CRCP: variants seen among roughly 807,000 people sequenced by gnomAD.
CRCP encodes the protein CGRP receptor component, also known as DNA-directed RNA polymerase III subunit RPC9.
In CRCP, 18 loss-of-function variants were observed where a neutral mutation model predicts 18.5. The observed-to-expected ratio is 0.97, with a 90% CI of 0.67 to 1.44. The LOEUF (loss-of-function observed/expected upper bound fraction) is 1.44. Ranked by LOEUF, CRCP falls within the 40% of genes most tolerant of loss-of-function variation. The probability of loss-of-function intolerance (pLI) is 0.00; values close to 1 mark genes in which losing one functional copy is unlikely to be tolerated. For missense variants in CRCP, 130 were observed against 176.4 expected, an observed-to-expected ratio of 0.74 and a Z score of 1.49; for synonymous variants, 53 against 62.9, an observed-to-expected ratio of 0.84 and a Z score of 0.75.
At chr7:66,149,808 C>T (rs886158113) in intron 5 of CRCP, among the ~76,000 whole-genome samples, 1 of 152,014 alleles carries the variant, frequency 6.6e-6, no homozygotes, top group African/African-American at 2.4e-5. Flanking sequence ...CTCACCCCCA[C>T]CTTTTTTTTC....
chr7:66,145,337 A>T, intron 4 of CRCP, 106 bp from the exon 5 acceptor site: 1 of 1,122,776 alleles, frequency 8.9e-7, no homozygotes, highest in Non-Finnish European at 1.3e-6. Flanking sequence ...GCCACACTCC[A>T]GTGGTTCTCC....
chr7:66,134,211 C>G, intron 3 of CRCP, 69 bp from the exon 4 acceptor site: 6 of 1,206,258 alleles, frequency 5.0e-6, no homozygotes, highest in African/African-American at 1.6e-5. Flanking sequence ...CAGTCATTGC[C>G]TTTGTTTTTT....
chr7:66,140,612 G>A (rs559305639), intron 4 of CRCP, among the ~76,000 whole-genome samples: 3 of 152,102 alleles, frequency 2.0e-5, no homozygotes, highest in Admixed American at 2.0e-4. Context: ...GGCTGGTCTC[G>A]AACTCCTGAC....
chr7:66,127,716 T>G lies in CRCP; in HGVS notation c.21T>G (p.Asn7Lys), dbSNP rs891775476. MEVKDA[N>K]SALLSNYEVF... is the part of the protein sequence containing the mutation. The stretch of plus-strand genomic sequence containing the variant: ...TTTTCTTTTTCAGGAAGGATGCCAA[T>G]TCTGCGCTTCTCAGTAACTACGAGG... Residue 7 changes from asparagine to lysine, a missense_variant, in exon 2 of 6, where the codon AAT (asparagine) becomes AAG (lysine). Physicochemically the swap from Asn to Lys is moderately conservative, Grantham distance 94. Coordinates refer to ENST00000395326, the MANE Select transcript of CRCP (RefSeq NM_014478.5). 6.8e-6 allele frequency: 11 copies of G among 1,614,160 alleles called. No homozygotes were observed. The highest frequency in any genetic ancestry group is 9.3e-6 in the Non-Finnish European group (11 of 1,180,008).
intron 1 of CRCP, among the ~76,000 whole-genome samples, chr7:66,127,501 C>G (rs1161313356): frequency 6.6e-6 from 1 of 152,164 alleles, no homozygotes; most frequent in African/African-American, 2.4e-5. Context: ...TGGGACAGCA[C>G]TTTGTTCCCA....
At chr7:66,123,662 C>T (rs966222950) in intron 1 of CRCP, among the ~76,000 whole-genome samples, 1 of 150,080 alleles carries the variant, frequency 6.7e-6, no homozygotes, top group Non-Finnish European at 1.5e-5. Context: ...GCAGGAGAAT[C>T]GCTTGAACTC....
intron 1 of CRCP, among the ~76,000 whole-genome samples, chr7:66,125,614 A>G (rs1165395062): frequency 1.3e-5 from 2 of 149,224 alleles, no homozygotes; most frequent in African/African-American, 4.8e-5. Context: ...CCTCCTTTAT[A>G]TTCGTTCTAG....
chr7:66,118,292 T>G (rs1313017655), intron 1 of CRCP, among the ~76,000 whole-genome samples: 1 of 152,214 alleles, frequency 6.6e-6, no homozygotes, highest in African/African-American at 2.4e-5. Context: ...TCTTGAAGGT[T>G]GTGTCCCTTT....
chr7:66,129,301 C>A (rs910482804), intron 2 of CRCP, among the ~76,000 whole-genome samples: 1 of 152,064 alleles, frequency 6.6e-6, no homozygotes, highest in African/African-American at 2.4e-5. Flanking sequence ...CCACTGCACT[C>A]CAGCCTGGGC....
Position 66,154,528 on chromosome 7 carries a change from G to A in CRCP, c.*2171G>A, listed in dbSNP as rs896587676. 6.7e-6 allele frequency: 1 copy of A among 150,348 alleles called. No individual in the cohort carries two copies. Among genetic ancestry groups the A allele is most frequent in the African/African-American group, 2.5e-5 (1 of 40,814 alleles). 9.3% of individuals were successfully genotyped at this position (150,348 alleles called of 1,614,324 possible). On this transcript the variant is annotated 3_prime_UTR_variant, in exon 6 of 6. Coordinates refer to ENST00000395326, the MANE Select transcript of CRCP (RefSeq NM_014478.5). ...TTTATAAATCTGAAGAGTTAATATT[G>A]TCATCGATACAAATAAAGTGAAATC...
At chr7:66,136,537 T>A (rs1194096059) in intron 4 of CRCP, among the ~76,000 whole-genome samples, 1 of 151,076 alleles carries the variant, frequency 6.6e-6, no homozygotes, top group African/African-American at 2.4e-5. Context: ...GCCAATTTTG[T>A]ATTTTTAGTA....
At chr7:66,135,023 C>G (rs979284112) in intron 4 of CRCP, among the ~76,000 whole-genome samples, 9 of 152,150 alleles carry the variant, frequency 5.9e-5, no homozygotes. Context: ...ATGATGCAAC[C>G]TTATTTATTA....
At chr7:66,121,046 A>C (rs1047610530) in intron 1 of CRCP, among the ~76,000 whole-genome samples, 13 of 150,548 alleles carry the variant, frequency 8.6e-5, no homozygotes, top group Admixed American at 3.3e-4. Flanking sequence ...TAATAATAAT[A>C]ATAATAATAA....
At chr7:66,126,568 C>T (rs768212536) in intron 1 of CRCP, 1 of 394,984 alleles carries the variant, frequency 2.5e-6, no homozygotes, top group Admixed American at 2.9e-5. Context: ...ACGAATAGCT[C>T]CTACATCACA....
chr7:66,121,655 A>G (rs1012040040), intron 1 of CRCP, among the ~76,000 whole-genome samples: 2 of 152,166 alleles, frequency 1.3e-5, no homozygotes, highest in African/African-American at 2.4e-5. Flanking sequence ...ATTTCTATCT[A>G]TAAGGTATTT....
intron 5 of CRCP, among the ~76,000 whole-genome samples, chr7:66,149,410 T>C (rs1788390666): frequency 6.6e-6 from 1 of 152,132 alleles, no homozygotes; most frequent in Non-Finnish European, 1.5e-5. Context: ...TCCCAGCTAC[T>C]TGGAAGGCTG....
chr7:66,146,152 A>G (rs1316833309), intron 5 of CRCP, among the ~76,000 whole-genome samples: 3 of 152,060 alleles, frequency 2.0e-5, no homozygotes, highest in African/African-American at 7.2e-5. Context: ...CATCTCCCAC[A>G]TCACCGTCAG....
At chr7:66,151,673 C>CTGTGTGTGTGTGTGTGTGTGTGTGTG (rs1223890806) in intron 5 of CRCP, among the ~76,000 whole-genome samples, 1 of 138,522 alleles carries the variant, frequency 7.2e-6, no homozygotes, top group Non-Finnish European at 1.5e-5. Context: ...CCACTTCTCT[C>CTGTGTGTGTGTGTGTGTGTGTGTGTG]TGTGTGTGTG....
chr7:66,130,993 GAC>G (rs1324068637), intron 3 of CRCP, 151 bp downstream of exon 3: 1 of 597,350 alleles, frequency 1.7e-6, no homozygotes, highest in Non-Finnish European at 3.0e-6. Flanking sequence ...TTTGTTTTTT[GAC>G]ACAGAGTCTC....
Sources: gnomAD v4.1 joint callset for allele counts (sites outside exome capture counted in the v4.1 genomes callset) on GRCh38, gnomAD v4.1.1 for gene constraint, MANE v1.5 for transcripts, NCBI Gene and HGNC (gene_info 2026-07-23, HGNC 2026-07-21) for gene names.